ZNF804B: variants seen among roughly 807,000 people sequenced by gnomAD.
ZNF804B encodes the protein zinc finger 804B.
A neutral mutation model predicts 101.4 loss-of-function variants in ZNF804B; 80 were observed. That is an observed-to-expected ratio of 0.79 (90% CI 0.66 to 0.95). The LOEUF is 0.95. Ranked by LOEUF, ZNF804B falls within the 40% of genes least tolerant of loss-of-function variation. The pLI is 0.00. For missense variants in ZNF804B, 1,673 were observed against 1,561.9 expected, an observed-to-expected ratio of 1.07 and a Z score of -1.20; for synonymous variants, 622 against 558.8, an observed-to-expected ratio of 1.11 and a Z score of -1.59.
chr7:88,866,588 C>G (rs1047726888), intron 1 of ZNF804B, among the ~76,000 whole-genome samples: 1 of 152,148 alleles, frequency 6.6e-6, no homozygotes, highest in Non-Finnish European at 1.5e-5. Flanking sequence ...AACAAAAACC[C>G]TGACTTGTGA....
intron 1 of ZNF804B, among the ~76,000 whole-genome samples, chr7:89,071,813 G>A (rs1012361733): frequency 7.3e-5 from 10 of 136,782 alleles, no homozygotes; most frequent in Admixed American, 1.4e-4. Context: ...CATTTAATTT[G>A]TCTTCCAAAA....
chr7:89,298,397 C>T (rs1364336242), intron 2 of ZNF804B, among the ~76,000 whole-genome samples: 3 of 150,006 alleles, frequency 2.0e-5, no homozygotes, highest in African/African-American at 4.9e-5. Flanking sequence ...CTAGCCCCCA[C>T]CCCACAACAG....
chr7:88,960,588 A>G (rs1268612732), intron 1 of ZNF804B, among the ~76,000 whole-genome samples: 3 of 151,428 alleles, frequency 2.0e-5, no homozygotes, highest in Non-Finnish European at 4.4e-5. Context: ...CTAAGTTAAA[A>G]ATATACATAG....
chr7:88,946,242 T>C (rs768238284), intron 1 of ZNF804B, among the ~76,000 whole-genome samples: 2 of 152,044 alleles, frequency 1.3e-5, no homozygotes, highest in Non-Finnish European at 2.9e-5. Flanking sequence ...ATAGCTCTTA[T>C]TATTTTGAGA....
intron 1 of ZNF804B, among the ~76,000 whole-genome samples, chr7:88,870,928 T>C (rs993290867): frequency 2.6e-4 from 39 of 152,216 alleles, no homozygotes; most frequent in African/African-American, 8.7e-4. Context: ...ATATCTAATA[T>C]GTTTGTCATA....
Position 89,012,115 on chromosome 7 carries a change from T to A in ZNF804B, c.109-206040T>A, listed in dbSNP as rs142388584. 7.5e-3 allele frequency among the ~76,000 whole-genome samples: 1,146 copies of A among 152,314 alleles called. 13 individuals carry two copies. The highest frequency in any genetic ancestry group is 0.018 in the South Asian group (85 of 4,830). On this transcript the variant is annotated intron_variant, in intron 1 of 3. Coordinates refer to ENST00000333190, the MANE Select transcript of ZNF804B (RefSeq NM_181646.5). The stretch of plus-strand genomic sequence containing the variant: ...AATAACATGTTTAAGCCACCGAAGT[T>A]TGGGGCTTGCGCTCTCTGAGGCAAT...
At chr7:89,167,564 G>T (rs1791163118) in intron 1 of ZNF804B, among the ~76,000 whole-genome samples, 1 of 152,144 alleles carries the variant, frequency 6.6e-6, no homozygotes, top group Non-Finnish European at 1.5e-5. Context: ...GAAAAATGAA[G>T]TTGGAATATA....
chr7:89,078,930 G>A (rs1321238445), intron 1 of ZNF804B, among the ~76,000 whole-genome samples: 3 of 151,926 alleles, frequency 2.0e-5, no homozygotes, highest in African/African-American at 7.2e-5. Flanking sequence ...ATGGAGTATG[G>A]GGCCAATTGT....
At chr7:89,298,718 G>A (rs1298785604) in intron 2 of ZNF804B, among the ~76,000 whole-genome samples, 1 of 151,532 alleles carries the variant, frequency 6.6e-6, no homozygotes, top group Non-Finnish European at 1.5e-5. Flanking sequence ...ATTATATTTG[G>A]TGCATATGTA....
intron 1 of ZNF804B, among the ~76,000 whole-genome samples, chr7:89,019,930 T>C (rs534400461): frequency 6.6e-6 from 1 of 151,914 alleles, no homozygotes; most frequent in Admixed American, 6.6e-5. Context: ...TGTGGAAATA[T>C]AATCAATTTA....
chr7:88,876,101 A>T (rs943213890), intron 1 of ZNF804B, among the ~76,000 whole-genome samples: 4 of 152,134 alleles, frequency 2.6e-5, no homozygotes, highest in African/African-American at 9.7e-5. Context: ...TTCTCGGAGG[A>T]ATTGCTTTGC....
At chr7:89,036,326 T>G (rs746429615) in intron 1 of ZNF804B, among the ~76,000 whole-genome samples, 1 of 151,764 alleles carries the variant, frequency 6.6e-6, no homozygotes, top group Non-Finnish European at 1.5e-5. Flanking sequence ...TAATACTATA[T>G]GTAAGACCCT....
intron 1 of ZNF804B, among the ~76,000 whole-genome samples, chr7:89,112,123 A>T (rs1039448150): frequency 9.5e-6 from 1 of 105,076 alleles, no homozygotes; most frequent in Non-Finnish European, 1.8e-5. Context: ...AAAAAAAAAA[A>T]GTTAAAATGG....
chr7:88,961,900 G>A (rs1472309693), intron 1 of ZNF804B, among the ~76,000 whole-genome samples: 1 of 151,110 alleles, frequency 6.6e-6, no homozygotes, highest in Admixed American at 6.6e-5. Context: ...TATGAAAAGG[G>A]GACTTCATAG....
chr7:89,020,604 T>G (rs187564927), intron 1 of ZNF804B, among the ~76,000 whole-genome samples: 32 of 152,310 alleles, frequency 2.1e-4, no homozygotes, highest in Non-Finnish European at 4.0e-4. Context: ...TATACACCTT[T>G]CCCAAGACTT....
At chr7:89,102,477 G>A (rs1253873668) in intron 1 of ZNF804B, among the ~76,000 whole-genome samples, 1 of 151,738 alleles carries the variant, frequency 6.6e-6, no homozygotes, top group African/African-American at 2.4e-5. Flanking sequence ...GGTCGCTTGT[G>A]TTTCTTCTTT....
intron 2 of ZNF804B, among the ~76,000 whole-genome samples, chr7:89,315,909 C>T (rs1001044059): frequency 6.6e-6 from 1 of 152,056 alleles, no homozygotes; most frequent in African/African-American, 2.4e-5. Flanking sequence ...CTTGTGAAAA[C>T]ACTAAAATTC....
chr7:89,285,340 A>T (rs545021005), intron 2 of ZNF804B, among the ~76,000 whole-genome samples: 1 of 151,138 alleles, frequency 6.6e-6, no homozygotes, highest in African/African-American at 2.4e-5. Context: ...GACTAACACG[A>T]TGAAACCCCG....
At chr7:89,274,809 T>C (rs1789953753) in intron 2 of ZNF804B, among the ~76,000 whole-genome samples, 1 of 151,894 alleles carries the variant, frequency 6.6e-6, no homozygotes, top group Non-Finnish European at 1.5e-5. Flanking sequence ...CACTCTACCC[T>C]GACTTTCCTC....
Sources: allele counts gnomAD v4.1 joint callset (sites outside exome capture counted in the v4.1 genomes callset), GRCh38; gene constraint gnomAD v4.1.1; transcripts MANE v1.5; gene names NCBI Gene and HGNC (gene_info 2026-07-23, HGNC 2026-07-21).